The following NCOA7 variants were observed in gnomAD, a reference collection of about 807,000 sequenced individuals.
NCOA7 encodes nuclear receptor coactivator 7.
Under a neutral mutation model 104.3 loss-of-function variants are expected in NCOA7, and 45 were observed. The observed-to-expected ratio is 0.43, with a 90% CI of 0.34 to 0.55. NCOA7 has a LOEUF of 0.55. Among genes scored for constraint, NCOA7 ranks in the 20% least tolerant of loss-of-function variants. The probability of loss-of-function intolerance (pLI) is 0.02; values close to 1 mark genes in which losing one functional copy is unlikely to be tolerated. For synonymous variants in NCOA7, 398 were observed against 402.3 expected, an observed-to-expected ratio of 0.99 and a Z score of 0.13; for missense variants, 1,041 against 1,119.7, an observed-to-expected ratio of 0.93 and a Z score of 1.00.
chr6:125,838,883 C>T (rs1472997267), intron 2 of NCOA7, among the ~76,000 whole-genome samples: 2 of 152,022 alleles, frequency 1.3e-5, no homozygotes, highest in Non-Finnish European at 2.9e-5. Flanking sequence ...TCAGGAACAG[C>T]CCAATGGAAG....
At chr6:125,881,963 C>T (rs935758060) in intron 6 of NCOA7, among the ~76,000 whole-genome samples, 2 of 152,146 alleles carry the variant, frequency 1.3e-5, no homozygotes, top group Admixed American at 6.5e-5. Flanking sequence ...AAGCGATTCT[C>T]CTGCCTCAGC....
chr6:125,888,896 A>G, intron 8 of NCOA7, 43 bp from the exon 9 acceptor site: 1 of 1,433,904 alleles, frequency 7.0e-7, no homozygotes, highest in Non-Finnish European at 9.3e-7. Flanking sequence ...TTTTGGTTTT[A>G]TTTTTAACAT....
chr6:125,849,962 A>G (rs1238580405), intron 2 of NCOA7, among the ~76,000 whole-genome samples: 1 of 152,200 alleles, frequency 6.6e-6, no homozygotes, highest in Non-Finnish European at 1.5e-5. Context: ...AGATGAAATA[A>G]TGGGAGTTCA....
chr6:125,796,657 T>G (rs923731073), intron 1 of NCOA7: 1 of 123,204 alleles, frequency 8.1e-6, no homozygotes. Flanking sequence ...TTTTCCTCAA[T>G]TTTTTTTTTT....
intron 13 of NCOA7, among the ~76,000 whole-genome samples, chr6:125,925,152 T>A (rs2076274488): frequency 6.6e-6 from 1 of 152,098 alleles, no homozygotes; most frequent in African/African-American, 2.4e-5. Context: ...GGGTTAGAGA[T>A]TTTTTTCCCA....
chr6:125,861,575 G>C (rs1001805707), intron 3 of NCOA7, among the ~76,000 whole-genome samples: 1 of 152,106 alleles, frequency 6.6e-6, no homozygotes, highest in Non-Finnish European at 1.5e-5. Flanking sequence ...AGCAGAATGA[G>C]ATTTGGGTAT....
At chr6:125,828,096 C>A (rs1188965983) in intron 2 of NCOA7, among the ~76,000 whole-genome samples, 5 of 152,056 alleles carry the variant, frequency 3.3e-5, no homozygotes, top group Admixed American at 6.5e-5. Flanking sequence ...TTGGCCTCAG[C>A]CATGGGAAAG....
intron 3 of NCOA7, among the ~76,000 whole-genome samples, chr6:125,860,521 T>C (rs1781955622): frequency 6.6e-6 from 1 of 152,168 alleles, no homozygotes; most frequent in African/African-American, 2.4e-5. Flanking sequence ...CTAATTTTTG[T>C]ATTTTTAGTA....
chr6:125,920,738 T>C (rs1441201659), intron 11 of NCOA7, among the ~76,000 whole-genome samples: 1 of 152,164 alleles, frequency 6.6e-6, no homozygotes, highest in Non-Finnish European at 1.5e-5. Context: ...TTTATACATA[T>C]TAACTGCCTC....
At chr6:125,800,720 A>G (rs947028257) in intron 1 of NCOA7, among the ~76,000 whole-genome samples, 3 of 152,196 alleles carry the variant, frequency 2.0e-5, no homozygotes. Context: ...GGCATAAGGA[A>G]CAATAATTAT....
intron 2 of NCOA7, among the ~76,000 whole-genome samples, chr6:125,833,054 A>G (rs1271133366): frequency 6.6e-6 from 1 of 152,242 alleles, no homozygotes. Context: ...AATCATGCTT[A>G]ATGAAACATA....
At chr6:125,916,216 G>C (rs905891108) in intron 11 of NCOA7, among the ~76,000 whole-genome samples, 2 of 152,160 alleles carry the variant, frequency 1.3e-5, no homozygotes, top group Admixed American at 1.3e-4. Context: ...TCGCTCTCCT[G>C]CCGCCTTGTG....
chr6:125,799,508 C>G (rs375722468), intron 1 of NCOA7, among the ~76,000 whole-genome samples: 1 of 150,818 alleles, frequency 6.6e-6, no homozygotes, highest in Non-Finnish European at 1.5e-5. Context: ...GGCGCTATCT[C>G]GGCTCACTGC....
chr6:125,804,859 G>A (rs1776287169), intron 1 of NCOA7, among the ~76,000 whole-genome samples: 1 of 151,996 alleles, frequency 6.6e-6, no homozygotes, highest in African/African-American at 2.4e-5. Context: ...GAAATAGATT[G>A]GTTTCTTCTG....
At chr6:125,875,851 T>C (rs935921429) in intron 4 of NCOA7, among the ~76,000 whole-genome samples, 1 of 152,164 alleles carries the variant, frequency 6.6e-6, no homozygotes, top group Admixed American at 6.5e-5. Context: ...CTCCATATTG[T>C]TGAGCAGTAG....
At chr6:125,785,817 CTAAA>C (rs752236311) in intron 1 of NCOA7, among the ~76,000 whole-genome samples, 2 of 152,158 alleles carry the variant, frequency 1.3e-5, no homozygotes, top group African/African-American at 2.4e-5. Flanking sequence ...TGGGCTAACT[CTAAA>C]TAATCAGCCA....
At chr6:125,848,050 T>A (rs1166759927) in intron 2 of NCOA7, among the ~76,000 whole-genome samples, 5 of 152,136 alleles carry the variant, frequency 3.3e-5, no homozygotes, top group Non-Finnish European at 7.4e-5. Flanking sequence ...CATGAAAAAA[T>A]GCTCATCATC....
chr6:125,838,294 G>GC (rs1779804149), intron 2 of NCOA7, among the ~76,000 whole-genome samples: 2 of 152,136 alleles, frequency 1.3e-5, no homozygotes, highest in Admixed American at 1.3e-4. Context: ...AGATTATGGG[G>GC]AAGGAAAGAA....
At chr6:125,819,211 T>A (rs939061751) in intron 2 of NCOA7, among the ~76,000 whole-genome samples, 2 of 152,152 alleles carry the variant, frequency 1.3e-5, no homozygotes, top group Non-Finnish European at 2.9e-5. Context: ...GTTTGATAAA[T>A]AGTCCTTTGC....
Sources: allele counts gnomAD v4.1 joint callset (sites outside exome capture counted in the v4.1 genomes callset), GRCh38; gene constraint gnomAD v4.1.1; transcripts MANE v1.5; gene names NCBI Gene and HGNC (gene_info 2026-07-23, HGNC 2026-07-21).